The following ASTN2 variants were observed in gnomAD, a reference collection of about 807,000 sequenced individuals.
The protein encoded by ASTN2 is astrotactin-2.
A neutral mutation model predicts 139.8 loss-of-function variants in ASTN2; 54 were observed. The ratio of observed to expected loss-of-function variants is 0.39; its 90% CI spans 0.31 to 0.48. The LOEUF is 0.48. ASTN2 is among the 20% of genes least tolerant of loss of function. ASTN2 has a pLI of 0.95. For missense variants in ASTN2, 1,565 were observed against 1,725.1 expected (o/e 0.91, Z 1.64); for synonymous variants, 756 against 719.5 (o/e 1.05, Z -0.81).
intron 1 of ASTN2, among the ~76,000 whole-genome samples, chr9:117,325,591 C>T (rs1828487887): frequency 6.6e-6 from 1 of 152,148 alleles, no homozygotes; most frequent in South Asian, 2.1e-4. Flanking sequence ...TCAATTCCCC[C>T]ATAATTACCT....
chr9:117,265,403 G>A (rs1412130279), intron 2 of ASTN2, among the ~76,000 whole-genome samples: 1 of 152,146 alleles, frequency 6.6e-6, no homozygotes, highest in Non-Finnish European at 1.5e-5. Context: ...TGTGCTTGAA[G>A]GTCCAGTGAT....
intron 1 of ASTN2, among the ~76,000 whole-genome samples, chr9:117,386,862 A>G (rs1257900539): frequency 1.3e-5 from 2 of 152,140 alleles, no homozygotes; most frequent in Non-Finnish European, 2.9e-5. Context: ...CTTTCTCCCT[A>G]GGAGAAAGAA....
intron 4 of ASTN2, among the ~76,000 whole-genome samples, chr9:117,102,685 G>A (rs897668553): frequency 6.6e-6 from 1 of 152,010 alleles, no homozygotes. Context: ...ACCATGCCCA[G>A]CTAATTTTGT....
intron 10 of ASTN2, among the ~76,000 whole-genome samples, chr9:116,952,983 T>A (rs1049330276): frequency 6.6e-6 from 1 of 152,184 alleles, no homozygotes; most frequent in Non-Finnish European, 1.5e-5. Context: ...AGTGCGACCT[T>A]GGGCCAGGCC....
At chr9:117,015,517 G>A (rs889444468) in intron 6 of ASTN2, among the ~76,000 whole-genome samples, 1 of 152,076 alleles carries the variant, frequency 6.6e-6, no homozygotes, top group Admixed American at 6.6e-5. Flanking sequence ...GGTTCATGGA[G>A]CTCAGGATAA....
rs150806771 is a variant in ASTN2 at position 117,097,882 on chromosome 9, G to A, written c.1169-1731C>T. Among the ~76,000 whole-genome samples the A allele has an allele frequency of 5.5e-3, 837 of 152,160 alleles. 10 individuals carry two copies. The highest frequency in any genetic ancestry group is 0.017 in the African/African-American group (707 of 41,506). Reference sequence around the variant, plus strand: ...GGTTATTACACATTCATTCTTTCTAGCAACATTGTTGCACAATCTGCTATG... The same window carrying A: ...GGTTATTACACATTCATTCTTTCTAACAACATTGTTGCACAATCTGCTATG... On this transcript the variant is annotated intron_variant, in intron 4 of 22. Coordinates refer to ENST00000313400, the MANE Select transcript of ASTN2 (RefSeq NM_001365068.1).
chr9:116,759,230 G>A (rs1238467922), intron 13 of ASTN2, among the ~76,000 whole-genome samples: 1 of 152,182 alleles, frequency 6.6e-6, no homozygotes, highest in Non-Finnish European at 1.5e-5. Context: ...TATGGGCCCA[G>A]TTTGTGCTGG....
intron 12 of ASTN2, among the ~76,000 whole-genome samples, chr9:116,815,692 C>T (rs28445277): frequency 4.0e-5 from 6 of 149,838 alleles, no homozygotes; most frequent in Non-Finnish European, 7.4e-5. Flanking sequence ...GTAGTCCCAA[C>T]TACTTGGCAG....
At chr9:116,918,292 G>C (rs1056358062) in intron 10 of ASTN2, among the ~76,000 whole-genome samples, 1 of 152,304 alleles carries the variant, frequency 6.6e-6, no homozygotes, top group Non-Finnish European at 1.5e-5. Context: ...CATTGAGCAG[G>C]AAACAGGGAG....
At position 116,460,377 on chromosome 9, in the gene ASTN2, A is replaced by G. The variant is rs540927989; in HGVS notation, c.3498-17824T>C. ...TATAACATAAAATCCACTGAATTGT[A>G]GCCTTAAAAAGGTGAATTTCATGGT... is the stretch of plus-strand genomic sequence containing the variant. On this transcript the variant is annotated intron_variant, in intron 20 of 22. Coordinates refer to ENST00000313400, the MANE Select transcript of ASTN2 (RefSeq NM_001365068.1). Among the ~76,000 whole-genome samples, 6 of 152,282 alleles carry G rather than the reference A, an allele frequency of 3.9e-5. No homozygotes were observed. The South Asian group carries it at 1.2e-3, about 32-fold the overall frequency.
At position 117,229,241 on chromosome 9, in the gene ASTN2, C is replaced by T. The variant is rs553685443; in HGVS notation, c.631-14499G>A. 8.5e-5 allele frequency among the ~76,000 whole-genome samples: 13 copies of T among 152,244 alleles called. No homozygotes were observed. The South Asian group carries it at 2.3e-3, about 27-fold the overall frequency. Reference sequence around the variant, plus strand: ...TTCAGAGAACATCTCAGTTGTAACACTGATAACGCTCCCCGCCCCCAAGCC... The same window carrying T: ...TTCAGAGAACATCTCAGTTGTAACATTGATAACGCTCCCCGCCCCCAAGCC... On this transcript the variant is annotated intron_variant, in intron 2 of 22. Transcript: ENST00000313400.
chr9:116,977,275 T>G (rs905454772), intron 7 of ASTN2, among the ~76,000 whole-genome samples: 2 of 152,228 alleles, frequency 1.3e-5, no homozygotes, highest in African/African-American at 4.8e-5. Context: ...ATTTCCCCTT[T>G]CAGAAAAACC....
At chr9:117,394,470 T>C (rs1221388278) in intron 1 of ASTN2, among the ~76,000 whole-genome samples, 3 of 152,074 alleles carry the variant, frequency 2.0e-5, no homozygotes, top group African/African-American at 4.8e-5. Flanking sequence ...GAGAGAGACA[T>C]CAATATATCA....
chr9:116,469,107 C>A (rs773126292), intron 20 of ASTN2, among the ~76,000 whole-genome samples: 11 of 152,184 alleles, frequency 7.2e-5, no homozygotes, highest in Non-Finnish European at 1.2e-4. Flanking sequence ...ATGTCTCGTT[C>A]ATCTCTGGGT....
intron 16 of ASTN2, among the ~76,000 whole-genome samples, chr9:116,662,740 G>C (rs986896045): frequency 6.6e-6 from 1 of 152,122 alleles, no homozygotes; most frequent in Non-Finnish European, 1.5e-5. Context: ...TTGGTAAAGG[G>C]AGAAGACAGA....
At chr9:116,448,854 A>C (rs1331746746) in intron 20 of ASTN2, among the ~76,000 whole-genome samples, 1 of 152,174 alleles carries the variant, frequency 6.6e-6, no homozygotes, top group African/African-American at 2.4e-5. Flanking sequence ...GAAAATGTGT[A>C]ATAGTGTTCG....
intron 2 of ASTN2, among the ~76,000 whole-genome samples, chr9:117,229,208 T>C (rs1352460500): frequency 1.3e-5 from 2 of 152,158 alleles, no homozygotes; most frequent in Admixed American, 6.5e-5. Flanking sequence ...CCATGCTTTC[T>C]TTCCTGGTTC....
chr9:117,053,193 T>C (rs923375012), intron 5 of ASTN2, among the ~76,000 whole-genome samples: 2 of 152,170 alleles, frequency 1.3e-5, no homozygotes, highest in African/African-American at 4.8e-5. Context: ...GACTCAAGCC[T>C]GCAATCCCAG....
chr9:117,049,116 C>A (rs762914625), intron 5 of ASTN2, among the ~76,000 whole-genome samples: 2 of 151,760 alleles, frequency 1.3e-5, no homozygotes, highest in Non-Finnish European at 2.9e-5. Flanking sequence ...TATAGGCATG[C>A]GCCACTGTGC....
Sources: gnomAD v4.1 joint callset for allele counts (sites outside exome capture counted in the v4.1 genomes callset) on GRCh38, gnomAD v4.1.1 for gene constraint, MANE v1.5 for transcripts, NCBI Gene and HGNC (gene_info 2026-07-23, HGNC 2026-07-21) for gene names.